The following ZNHIT6 variants were observed in gnomAD, a reference collection of about 807,000 sequenced individuals.
ZNHIT6 encodes zinc finger HIT-type containing 6.
ZNHIT6 carries 45 observed loss-of-function variants against 57.2 expected under a neutral mutation model. The ratio of observed to expected loss-of-function variants is 0.79; its 90% CI spans 0.62 to 1.01. The LOEUF (loss-of-function observed/expected upper bound fraction) is 1.01. ZNHIT6 is among the 50% of genes least tolerant of loss of function. The pLI, the probability that ZNHIT6 is intolerant of heterozygous loss-of-function variation, is 0.00. For synonymous variants in ZNHIT6, 188 were observed against 190.0 expected (o/e 0.99, Z 0.09); for missense variants, 528 against 567.3 (o/e 0.93, Z 0.70).
intron 5 of ZNHIT6, among the ~76,000 whole-genome samples, chr1:85,694,191 C>A (rs568327849): frequency 6.6e-6 from 1 of 152,266 alleles, no homozygotes; most frequent in South Asian, 2.1e-4. Context: ...AGCAAATGTA[C>A]ATACTTAAGA....
chr1:85,657,697 C>G (rs2100645796), intron 9 of ZNHIT6, 150 bp downstream of exon 9: 4 of 676,988 alleles, frequency 5.9e-6, no homozygotes, highest in Non-Finnish European at 9.3e-6. Flanking sequence ...ATTGCATTTA[C>G]CTGGTTCTTC....
intron 8 of ZNHIT6, among the ~76,000 whole-genome samples, chr1:85,658,261 C>T (rs1004925660): frequency 6.6e-5 from 10 of 152,054 alleles, no homozygotes; most frequent in Non-Finnish European, 1.2e-4. Flanking sequence ...TGGAGTCTCG[C>T]TTTGTTGCCC....
In ZNHIT6 at chr1:85,707,712, T is replaced by C. The variant is rs773452876; in HGVS notation, c.573A>G (p.Lys191=). Residue 191 remains lysine (K), a synonymous_variant, in exon 1 of 10, where the codon AAA becomes AAG. Transcript: ENST00000370574. ...TCACCTTTGTATCATCCACGATTTC[T>C]TTCTTCAGGAAATCCTTCTCTTCTT... ...CVKEEKDFLK[K]EIVDDTKVKE... The C allele has an allele frequency of 6.2e-7, 1 of 1,611,226 alleles. No individual in the cohort carries two copies. The highest frequency in any genetic ancestry group is 8.5e-7 in the Non-Finnish European group (1 of 1,178,980).
chr1:85,666,274 A>G (rs1056233663), intron 8 of ZNHIT6, among the ~76,000 whole-genome samples: 8 of 152,252 alleles, frequency 5.3e-5, no homozygotes, highest in Non-Finnish European at 1.0e-4. Flanking sequence ...GAATACACAT[A>G]GAATTCACAG....
Position 85,707,745 on chromosome 1 carries a change from C to T in ZNHIT6, c.540G>A (p.Glu180=), listed in dbSNP as rs761669277. The T allele has an allele frequency of 7.4e-6, 12 of 1,613,970 alleles. No homozygotes were observed. Among genetic ancestry groups the T allele is most frequent in the Non-Finnish European group, 1.0e-5 (12 of 1,179,996 alleles). The stretch of plus-strand genomic sequence containing the variant: ...GGAAATCCTTCTCTTCTTTTACACA[C>T]TCTCCATGCATCAATTCCTCTTTTA... ...QCIKEELMHG[E]CVKEEKDFLK... The change falls in exon 1 of 10, where the codon GAG becomes GAA. Residue 180 remains glutamate (E), a synonymous_variant. Coordinates refer to ENST00000370574, the MANE Select transcript of ZNHIT6 (RefSeq NM_017953.4).
At chr1:85,668,322 C>A (rs1661445801) in intron 8 of ZNHIT6, among the ~76,000 whole-genome samples, 1 of 151,994 alleles carries the variant, frequency 6.6e-6, no homozygotes, top group Non-Finnish European at 1.5e-5. Flanking sequence ...ACTATTGATT[C>A]TTAGATTAAA....
intron 4 of ZNHIT6, among the ~76,000 whole-genome samples, chr1:85,705,067 G>A (rs1054832604): frequency 6.6e-6 from 1 of 152,182 alleles, no homozygotes; most frequent in African/African-American, 2.4e-5. Context: ...GGGAAGAGCT[G>A]CATAATTGGT....
At chr1:85,691,147 T>A (rs1022336009) in intron 5 of ZNHIT6, among the ~76,000 whole-genome samples, 24 of 152,216 alleles carry the variant, frequency 1.6e-4, no homozygotes, top group African/African-American at 4.8e-4. Flanking sequence ...GTACTATTAC[T>A]GTCTCCATCT....
At chr1:85,682,036 C>G (rs924139521) in intron 5 of ZNHIT6, among the ~76,000 whole-genome samples, 14 of 121,220 alleles carry the variant, frequency 1.2e-4, no homozygotes, top group African/African-American at 3.4e-4. Context: ...TTTTTTGAGA[C>G]GGAGTTTCGC....
At chr1:85,682,304 A>G (rs1488946428) in intron 5 of ZNHIT6, among the ~76,000 whole-genome samples, 3 of 151,354 alleles carry the variant, frequency 2.0e-5, no homozygotes, top group Admixed American at 2.0e-4. Flanking sequence ...GATTACAGGC[A>G]TGAGCCACCG....
Position 85,650,304 on chromosome 1 carries a change from A to G in ZNHIT6, c.*3754T>C, listed in dbSNP as rs1248247440. On this transcript the variant is annotated 3_prime_UTR_variant, in exon 10 of 10. Transcript: ENST00000370574. The stretch of plus-strand genomic sequence containing the variant: ...CTCACCTCACTGTTCCTCATCCCAT[A>G]CAGAATATCCCCAAAGGGAAAATCT... 1.3e-5 allele frequency: 2 copies of G among 152,204 alleles called. No individual in the cohort carries two copies. Among genetic ancestry groups the G allele is most frequent in the Non-Finnish European group, 2.9e-5 (2 of 68,028 alleles). 9.4% of individuals were successfully genotyped at this position (152,204 alleles called of 1,614,324 possible).
chr1:85,670,133 G>T (rs1330619948), intron 8 of ZNHIT6, among the ~76,000 whole-genome samples: 1 of 133,210 alleles, frequency 7.5e-6, no homozygotes, highest in African/African-American at 2.8e-5. Flanking sequence ...CAGATATCAT[G>T]TAAACCAATA....
chr1:85,705,757 A>G (rs958880196), intron 4 of ZNHIT6, among the ~76,000 whole-genome samples: 22 of 152,316 alleles, frequency 1.4e-4, no homozygotes, highest in African/African-American at 4.6e-4. Flanking sequence ...TGACCACTGT[A>G]TCGAAAATAG....
intron 5 of ZNHIT6, among the ~76,000 whole-genome samples, chr1:85,701,430 T>C (rs1662526421): frequency 6.6e-6 from 1 of 152,232 alleles, no homozygotes; most frequent in Non-Finnish European, 1.5e-5. Flanking sequence ...TATCTGATAA[T>C]TTAGTTGGCT....
intron 5 of ZNHIT6, 68 bp from the exon 6 acceptor site, chr1:85,680,972 C>T: frequency 8.3e-7 from 1 of 1,197,660 alleles, no homozygotes; most frequent in Non-Finnish European, 1.2e-6. Flanking sequence ...ATTGAACTTT[C>T]TAAATTTTCA....
intron 5 of ZNHIT6, among the ~76,000 whole-genome samples, chr1:85,682,016 C>CGGAGTTTCGCTCT: frequency 7.6e-6 from 1 of 132,306 alleles, no homozygotes; most frequent in South Asian, 2.4e-4. Context: ...TTTTGTTCAT[C>CGGAGTTTCGCTCT]TTTTTTTTTT....
At chr1:85,654,808 A>T (rs181815864) in intron 9 of ZNHIT6, among the ~76,000 whole-genome samples, 187 of 152,312 alleles carry the variant, frequency 1.2e-3, no homozygotes, top group Non-Finnish European at 2.2e-3. Context: ...AGGAAATAAT[A>T]GGTAGTAACT....
chr1:85,658,026 C>A, intron 8 of ZNHIT6, 55 bp from the exon 9 acceptor site: 1 of 1,206,454 alleles, frequency 8.3e-7, no homozygotes, highest in Non-Finnish European at 1.1e-6. Context: ...TTCAAAATTA[C>A]TAATAGATAA....
chr1:85,666,413 C>T, intron 8 of ZNHIT6, among the ~76,000 whole-genome samples: 1 of 152,110 alleles, frequency 6.6e-6, no homozygotes, highest in East Asian at 1.9e-4. Flanking sequence ...TTATATTTCA[C>T]ATAATTTCCT....
Sources: gnomAD v4.1 joint callset for allele counts (sites outside exome capture counted in the v4.1 genomes callset) on GRCh38, gnomAD v4.1.1 for gene constraint, MANE v1.5 for transcripts, NCBI Gene and HGNC (gene_info 2026-07-23, HGNC 2026-07-21) for gene names.